XRCC3: variants seen among roughly 807,000 people sequenced by gnomAD.
XRCC3 encodes the protein X-ray repair cross complementing 3, also known as DNA repair protein XRCC3.
Under a neutral mutation model 29.2 loss-of-function variants are expected in XRCC3, and 34 were observed. The ratio of observed to expected loss-of-function variants is 1.16; its 90% CI spans 0.88 to 1.55. The LOEUF is 1.55. XRCC3 is among the 40% of genes most tolerant of loss of function. XRCC3 has a pLI of 0.00. For synonymous variants in XRCC3, 223 were observed against 211.3 expected (o/e 1.06, Z -0.48); for missense variants, 463 against 467.6 (o/e 0.99, Z 0.09).
intron 7 of XRCC3, chr14:103,702,881 A>G: frequency 2.2e-6 from 1 of 458,216 alleles, no homozygotes; most frequent in Non-Finnish European, 4.0e-6. Context: ...TGACTGGTCC[A>G]TCCTCCACAG....
chr14:103,697,659 C>T lies in XRCC3; in HGVS notation c.*1139G>A, dbSNP rs1024180249. The T allele has an allele frequency of 2.6e-5, 4 of 152,118 alleles. No homozygotes were observed. The highest frequency in any genetic ancestry group is 9.7e-5 in the African/African-American group (4 of 41,380). The allele number at this position is 152,118 out of a possible 1,614,324, so 9.4% of individuals were successfully genotyped here. On this transcript the variant is annotated 3_prime_UTR_variant, in exon 10 of 10. Transcript: ENST00000555055. ...TATTTGTCAAAGGCCTGGTCTGTGC[C>T]AGGCAGCATGTGGAGGCACTGAGTG... is the stretch of plus-strand genomic sequence containing the variant.
At chr14:103,704,030 C>CA (rs1436629628) in intron 6 of XRCC3, 1 of 154,430 alleles carries the variant, frequency 6.5e-6, no homozygotes, top group Non-Finnish European at 1.4e-5. Flanking sequence ...CGTTTCATGA[C>CA]AGCCCGGGGG....
rs2151931637 is a variant in XRCC3, at chr14:103,703,334, A to G, written c.407-7T>C. On this transcript the variant is annotated splice_region_variant and splice_polypyrimidine_tract_variant and intron_variant, in intron 6 of 9. Transcript: ENST00000555055. ...GTGCAGATGTAGACGGCTCCTGGGA[A>G]GCAAGAGTGCCTGATGTGCCCAGGG... The G allele has an allele frequency of 6.5e-7, 1 of 1,545,468 alleles. No individual in the cohort carries two copies. Among genetic ancestry groups the G allele is most frequent in the Non-Finnish European group, 8.7e-7 (1 of 1,149,146 alleles).
intron 1 of XRCC3, among the ~76,000 whole-genome samples, chr14:103,714,896 G>C (rs561943468): frequency 6.6e-6 from 1 of 152,330 alleles, no homozygotes; most frequent in Non-Finnish European, 1.5e-5. Context: ...ATGTTGGCCA[G>C]GCTGGTCTTG....
At chr14:103,706,055 A>T (rs1388697918) in intron 6 of XRCC3, 4 of 296,112 alleles carry the variant, frequency 1.4e-5, no homozygotes, top group Non-Finnish European at 2.7e-5. Flanking sequence ...GCAGGGACAA[A>T]AATGCCTGTG....
chr14:103,705,835 ACG>A (rs2083415381), intron 6 of XRCC3: 1 of 161,954 alleles, frequency 6.2e-6, no homozygotes, highest in Admixed American at 5.9e-5. Flanking sequence ...GGCACGGAGG[ACG>A]CTGGAGAATG....
chr14:103,706,495 C>A, intron 6 of XRCC3: 1 of 429,496 alleles, frequency 2.3e-6, no homozygotes, highest in Non-Finnish European at 4.7e-6. Flanking sequence ...TTTAAAACTA[C>A]GTGAACTTTT....
intron 4 of XRCC3, chr14:103,709,138 A>G: frequency 6.8e-6 from 2 of 295,858 alleles, no homozygotes; most frequent in South Asian, 3.1e-5. Context: ...GAGCGCTGGG[A>G]GGGTAGCAGA....
Position 103,703,215 on chromosome 14 carries a change from G to C in XRCC3, c.519C>G (p.Leu173=), listed in dbSNP as rs1313407368. 3.2e-6 allele frequency: 5 copies of C among 1,569,394 alleles called. No individual in the cohort carries two copies. Among genetic ancestry groups the C allele is most frequent in the Non-Finnish European group, 3.5e-6 (4 of 1,157,206 alleles). Residue 173 remains leucine (L), a synonymous_variant, in exon 7 of 10, where the codon CTC becomes CTG. Coordinates refer to ENST00000555055, the MANE Select transcript of XRCC3 (RefSeq NM_005432.4). The stretch of plus-strand genomic sequence containing the variant: ...CGATGAAGATCTGGCTGCCAAATCG[G>C]AGCTTCTGAAGCAGCTCTCCTGGAA... The part of the protein sequence containing the change: ...TDVPGELLQK[L]RFGSQIFIEH...
At chr14:103,703,858 G>A (rs376798515) in intron 6 of XRCC3, 39 of 208,272 alleles carry the variant, frequency 1.9e-4, no homozygotes, top group African/African-American at 7.8e-4. Flanking sequence ...TGGTGAGGAT[G>A]TGTAGGAGGC....
rs79946933 is a variant in XRCC3 at position 103,700,072 on chromosome 14, G to A, written c.562-496C>T. On this transcript the variant is annotated intron_variant, in intron 7 of 9. Coordinates refer to ENST00000555055, the MANE Select transcript of XRCC3 (RefSeq NM_005432.4). Reference sequence around the variant, plus strand: ...ACCTCTTCAGACGCTCAGCAAGGCAGGGGCCTGATGCCCTTCAGGCGTTAC... The same window carrying A: ...ACCTCTTCAGACGCTCAGCAAGGCAAGGGCCTGATGCCCTTCAGGCGTTAC... The A allele has an allele frequency of 1.2e-3, 272 of 229,770 alleles. 3 individuals are homozygous for A. The East Asian group carries it at 0.021, about 18-fold the overall frequency. 14.2% of individuals were successfully genotyped at this position (229,770 alleles called of 1,614,324 possible).
chr14:103,699,914 T>C (rs561319275), intron 7 of XRCC3: 83 of 377,456 alleles, frequency 2.2e-4, no homozygotes, highest in African/African-American at 1.5e-3. Context: ...CTGCTCTCCT[T>C]CTGCCATGGT....
Position 103,707,179 on chromosome 14 carries a change from G to A in XRCC3, c.230C>T (p.Thr77Met), listed in dbSNP as rs1003077931. Residue 77 changes from threonine to methionine, a missense_variant, in exon 6 of 10, where the codon ACG (threonine) becomes ATG (methionine). Coordinates refer to ENST00000555055, the MANE Select transcript of XRCC3 (RefSeq NM_005432.4). ...QLHQQKERFPTQHQRLSLGCP... is the reference protein window; with the variant it reads ...QLHQQKERFPMQHQRLSLGCP... ...GCCCAGGCTCAGGCGCTGGTGCTGC[G>A]TGGGGAACCGCTCCTTCTGCTGGTG... The A allele has an allele frequency of 9.7e-6, 15 of 1,549,182 alleles. No homozygotes were observed. Among genetic ancestry groups the A allele is most frequent in the Middle Eastern group, 3.9e-4 (2 of 5,182 alleles).
At chr14:103,702,685 C>G (rs1313629692) in intron 7 of XRCC3, 1 of 187,268 alleles carries the variant, frequency 5.3e-6, no homozygotes, top group Non-Finnish European at 1.1e-5. Flanking sequence ...GGTGTCGCAG[C>G]CTGCCGCCCT....
chr14:103,708,049 C>T (rs1049164249), intron 5 of XRCC3: 9 of 262,974 alleles, frequency 3.4e-5, no homozygotes, highest in South Asian at 2.6e-4. Context: ...GCCAGGACCC[C>T]GCTGCCTACT....
Position 103,698,669 on chromosome 14 carries a change from G to T in XRCC3, c.*129C>A, listed in dbSNP as rs552955847. The T allele has an allele frequency of 6.0e-6, 5 of 830,222 alleles. No homozygotes were observed. In the African/African-American group the frequency reaches 6.8e-5, roughly 11 times the overall value. The allele number at this position is 830,222 out of a possible 1,614,324, so 51.4% of individuals were successfully genotyped here. A position where few individuals can be genotyped will look rare whatever the true frequency, so the allele number is the denominator to read the frequency against. On this transcript the variant is annotated 3_prime_UTR_variant, in exon 10 of 10. Transcript: ENST00000555055. ...CATCTTCGGATGAGAAAGTGGAGCC[G>T]CTGCCCTGGAAGAGCTGTGTCTGAA... is the stretch of plus-strand genomic sequence containing the variant.
Position 103,708,567 on chromosome 14 carries a change from G to C in XRCC3, c.148C>G (p.Leu50Val). Residue 50 changes from leucine (L) to valine (V), a missense_variant, in exon 5 of 10, where the codon CTG becomes GTG. Physicochemically the swap from Leu to Val is conservative, Grantham distance 32 (BLOSUM62 1). Coordinates refer to ENST00000555055, the MANE Select transcript of XRCC3 (RefSeq NM_005432.4). Reference protein sequence around the residue: ...NLSSPEVWHLLRTASLHLRGS... With the variant: ...NLSSPEVWHLVRTASLHLRGS... ...CGCAAGTGTAAGGAGGCCGTTCTCA[G>C]CAAGTGCCAGACCTCGGGGCTGGAG... 1.9e-6 allele frequency: 3 copies of C among 1,614,206 alleles called. No homozygotes were observed. Among genetic ancestry groups the C allele is most frequent in the Non-Finnish European group, 2.5e-6 (3 of 1,180,040 alleles).
intron 5 of XRCC3, chr14:103,708,269 C>G: frequency 1.8e-6 from 1 of 557,588 alleles, no homozygotes. Flanking sequence ...GCACCCCCTC[C>G]TCTGGTCCAT....
At chr14:103,713,798 C>G (rs2083711689) in intron 1 of XRCC3, 1 of 152,244 alleles carries the variant, frequency 6.6e-6, no homozygotes, top group Non-Finnish European at 1.5e-5. Context: ...TATGTGAGGA[C>G]TTGAGTGAAC....
Sources: gnomAD v4.1 joint callset for allele counts (sites outside exome capture counted in the v4.1 genomes callset) on GRCh38, gnomAD v4.1.1 for gene constraint, MANE v1.5 for transcripts, NCBI Gene and HGNC (gene_info 2026-07-23, HGNC 2026-07-21) for gene names.